The following CACNA1S variants were observed in gnomAD, a reference collection of about 807,000 sequenced individuals.
The protein encoded by CACNA1S is voltage-dependent L-type calcium channel subunit alpha-1S.
Under a neutral mutation model 207.4 loss-of-function variants are expected in CACNA1S, and 126 were observed. The ratio of observed to expected loss-of-function variants is 0.61; its 90% CI spans 0.53 to 0.70. CACNA1S has a LOEUF of 0.70. CACNA1S is among the 30% of genes least tolerant of loss of function. The pLI is 0.00. For missense variants in CACNA1S, 2,349 were observed against 2,422.8 expected (o/e 0.97, Z 0.64); for synonymous variants, 960 against 932.7 (o/e 1.03, Z -0.53).
In CACNA1S at chr1:201,047,133, C is replaced by A. The variant is rs1413666626; in HGVS notation, c.4650G>T (p.Lys1550Asn). The change falls in exon 38 of 44, where the codon AAG becomes AAT. Residue 1550 changes from lysine to asparagine, a missense_variant. Lys to Asn is a moderately conservative substitution (Grantham distance 94). Transcript: ENST00000362061. Reference sequence around the variant, plus strand: ...GGCTTACCTGGATCTGTACAATGTCCTTCTTGGGCCGATAGCCATAATACT... The same window carrying A: ...GGCTTACCTGGATCTGTACAATGTCATTCTTGGGCCGATAGCCATAATACT... ...QEEYYGYRPK[K>N]DIVQIQAGLR... 7.4e-6 allele frequency: 12 copies of A among 1,614,078 alleles called. No homozygotes were observed. In the East Asian group the frequency reaches 1.1e-4, roughly 15 times the overall value.
intron 15 of CACNA1S, 64 bp downstream of exon 15, chr1:201,073,485 G>A (rs1303890552): frequency 9.1e-6 from 12 of 1,324,784 alleles, no homozygotes; most frequent in Admixed American, 5.0e-5. Flanking sequence ...CCTGTGGTAT[G>A]AAGGGAACCA....
At chr1:201,054,122 C>T (rs1206618420) in intron 29 of CACNA1S, among the ~76,000 whole-genome samples, 2 of 152,338 alleles carry the variant, frequency 1.3e-5, no homozygotes, top group African/African-American at 2.4e-5. Context: ...CTTAGATACA[C>T]GAAATACTCT....
intron 33 of CACNA1S, 86 bp from the exon 34 acceptor site, chr1:201,050,602 C>T: frequency 1.3e-6 from 2 of 1,513,944 alleles, no homozygotes. Flanking sequence ...GTCCACTGGC[C>T]CACAACTTCT....
At chr1:201,073,189 T>C (rs1473888814) in intron 15 of CACNA1S, among the ~76,000 whole-genome samples, 1 of 152,120 alleles carries the variant, frequency 6.6e-6, no homozygotes, top group Non-Finnish European at 1.5e-5. Flanking sequence ...TCAGGAATGG[T>C]GAGCAGAGTC....
intron 14 of CACNA1S, among the ~76,000 whole-genome samples, chr1:201,074,076 G>A (rs74765910): frequency 0.014 from 2,059 of 152,284 alleles, 42 homozygotes; most frequent in African/African-American, 0.047. Flanking sequence ...ATTGGAAGAA[G>A]CAGAACTCTG....
intron 34 of CACNA1S, 22 bp from the exon 35 acceptor site, chr1:201,049,121 T>C (rs1477353049): frequency 6.5e-7 from 1 of 1,547,290 alleles, no homozygotes; most frequent in African/African-American, 1.4e-5. Flanking sequence ...CACACAGACT[T>C]GTGTACCTGC....
chr1:201,088,079 T>C, intron 6 of CACNA1S, 150 bp from the exon 7 acceptor site: 1 of 694,548 alleles, frequency 1.4e-6, no homozygotes, highest in Non-Finnish European at 2.6e-6. Flanking sequence ...TGAGGACTAG[T>C]CTGGAAGAAC....
chr1:201,106,295 G>A (rs1194691801), intron 2 of CACNA1S, among the ~76,000 whole-genome samples: 1 of 151,978 alleles, frequency 6.6e-6, no homozygotes, highest in Non-Finnish European at 1.5e-5. Flanking sequence ...GACTTCCCTG[G>A]GCTCCCTGCC....
chr1:201,108,296 T>G (rs1164942826), intron 2 of CACNA1S, among the ~76,000 whole-genome samples: 1 of 151,978 alleles, frequency 6.6e-6, no homozygotes, highest in Non-Finnish European at 1.5e-5. Flanking sequence ...GAGACGGGAG[T>G]CTCTCTATGT....
In CACNA1S at chr1:201,066,215, G is replaced by C; in HGVS notation, c.2745+14C>G. 1 of 1,612,164 alleles carries C rather than the reference G, an allele frequency of 6.2e-7. No individual in the cohort carries two copies. The highest frequency in any genetic ancestry group is 1.1e-5 in the South Asian group (1 of 91,048). On this transcript the variant is annotated intron_variant, in intron 21 of 43. Coordinates refer to ENST00000362061, the MANE Select transcript of CACNA1S (RefSeq NM_000069.3). The surrounding 1 kb of genome is among the most constrained non-coding windows in gnomAD (Gnocchi z 4.3). ...CCATTCCTCTCTGGGGCTCCTGCCCGGGCCCTCTCTCACCTTCAACCCCTT... is the reference window on the plus strand; with the variant it reads ...CCATTCCTCTCTGGGGCTCCTGCCCCGGCCCTCTCTCACCTTCAACCCCTT...
chr1:201,069,023 C>G, intron 19 of CACNA1S, 114 bp downstream of exon 19: 1 of 940,308 alleles, frequency 1.1e-6, no homozygotes, highest in Non-Finnish European at 1.7e-6. Context: ...TGAGTCTTTC[C>G]TGCCAGTCTC....
intron 19 of CACNA1S, 58 bp from the exon 20 acceptor site, chr1:201,067,051 C>A: frequency 5.2e-6 from 6 of 1,151,050 alleles, no homozygotes; most frequent in Non-Finnish European, 6.5e-6. Context: ...GCCTGTCTCC[C>A]ACAGACAAGG....
intron 42 of CACNA1S, 33 bp from the exon 43 acceptor site, chr1:201,040,407 C>T (rs758777390): frequency 1.2e-6 from 2 of 1,609,976 alleles, no homozygotes; most frequent in African/African-American, 1.3e-5. Flanking sequence ...AAGACCCCGA[C>T]AGGGGTGCTG....
intron 1 of CACNA1S, among the ~76,000 whole-genome samples, chr1:201,111,941 C>T (rs1350737771): frequency 6.9e-6 from 1 of 144,246 alleles, no homozygotes; most frequent in African/African-American, 2.5e-5. Context: ...TCTTCCTCCT[C>T]CTCCCCCACC....
chr1:201,092,796 A>G (rs970777201), intron 3 of CACNA1S, among the ~76,000 whole-genome samples: 1 of 152,158 alleles, frequency 6.6e-6, no homozygotes, highest in African/African-American at 2.4e-5. Flanking sequence ...GAATTCTTCT[A>G]TTTTCTCTAC....
chr1:201,039,942 C>T lies in CACNA1S; in HGVS notation c.5511G>A (p.Glu1837=), dbSNP rs763122487. Reference sequence around the variant, plus strand: ...GGGAGCTGGCCATGCCCTCTGGGGCCTCTCGTCCTTTCAGTAGCTCTGTTG... The same window carrying T: ...GGGAGCTGGCCATGCCCTCTGGGGCTTCTCGTCCTTTCAGTAGCTCTGTTG... The part of the protein sequence containing the change: ...IMATELLKGR[E]APEGMASSLG... The change falls in exon 44 of 44, where the codon GAG becomes GAA. Residue 1837 remains glutamate (E), a synonymous_variant. Transcript: ENST00000362061. The T allele has an allele frequency of 1.2e-6, 2 of 1,614,182 alleles. No homozygotes were observed. Among genetic ancestry groups the T allele is most frequent in the Non-Finnish European group, 1.7e-6 (2 of 1,180,042 alleles).
intron 38 of CACNA1S, among the ~76,000 whole-genome samples, chr1:201,045,500 T>C (rs1207692462): frequency 3.9e-5 from 6 of 152,060 alleles, no homozygotes; most frequent in African/African-American, 1.4e-4. Flanking sequence ...TTTGAGAAGC[T>C]GAGGCAGGCA....
Position 201,083,310 on chromosome 1 carries a change from C to T in CACNA1S, c.1245G>A (p.Arg415=). ...NKIIQFIRHW[R]QWNRIFRWKC... is the part of the protein sequence containing the mutation. ...TCCAGCGAAAGATGCGGTTCCACTG[C>T]CTCCAATGTCGGCTGAGGGAGGGGA... is the stretch of plus-strand genomic sequence containing the variant. Residue 415 remains arginine, a synonymous_variant, in exon 10 of 44, where the codon AGG becomes AGA. Transcript: ENST00000362061. 6.2e-7 allele frequency: 1 copy of T among 1,614,232 alleles called. No homozygotes were observed. Among genetic ancestry groups the T allele is most frequent in the Admixed American group, 1.7e-5 (1 of 60,030 alleles).
In CACNA1S at chr1:201,055,158, T is replaced by C. The variant is rs540373177; in HGVS notation, c.3610-597A>G. 2.0e-5 allele frequency among the ~76,000 whole-genome samples: 3 copies of C among 152,304 alleles called. No individual in the cohort carries two copies. In the South Asian group the frequency reaches 6.2e-4, roughly 32 times the overall value. On this transcript the variant is annotated intron_variant, in intron 28 of 43. Coordinates refer to ENST00000362061, the MANE Select transcript of CACNA1S (RefSeq NM_000069.3). Reference sequence around the variant, plus strand: ...GTGTGTGGGAGCAATTTCTTCCTGTTTACTCCCTTGGGCCACACTTCATGA... The same window carrying C: ...GTGTGTGGGAGCAATTTCTTCCTGTCTACTCCCTTGGGCCACACTTCATGA...
Sources: allele counts gnomAD v4.1 joint callset (sites outside exome capture counted in the v4.1 genomes callset), GRCh38; gene constraint gnomAD v4.1.1; non-coding constraint Gnocchi (gnomAD v3.1); transcripts MANE v1.5; gene names NCBI Gene and HGNC (gene_info 2026-07-23, HGNC 2026-07-21).